CTNNA3: variants seen among roughly 807,000 people sequenced by gnomAD.
The protein encoded by CTNNA3 is catenin alpha 3.
In CTNNA3, 76 loss-of-function variants were observed where a neutral mutation model predicts 95.7. The observed-to-expected ratio is 0.79, with a 90% confidence interval of 0.66 to 0.96. CTNNA3 has a LOEUF of 0.96. Ranked by LOEUF, CTNNA3 falls within the 40% of genes least tolerant of loss-of-function variation. The pLI is 0.00. For synonymous variants in CTNNA3, 431 were observed against 374.4 expected (o/e 1.15, Z -1.74); for missense variants, 1,191 against 1,089.8 (o/e 1.09, Z -1.31).
At chr10:67,110,458 G>C (rs1005229421) in intron 7 of CTNNA3, among the ~76,000 whole-genome samples, 2 of 152,128 alleles carry the variant, frequency 1.3e-5, no homozygotes, top group African/African-American at 2.4e-5. Context: ...GGACTAGAAG[G>C]GGAGCAGGAT....
Position 66,040,177 on chromosome 10 carries a change from ACTGT to A in CTNNA3, c.2159+29127_2159+29130del, listed in dbSNP as rs143597190. 1.7e-3 allele frequency among the ~76,000 whole-genome samples: 261 copies of A among 152,338 alleles called. 2 individuals are homozygous for A. The highest frequency in any genetic ancestry group is 5.9e-3 in the African/African-American group (246 of 41,580). On this transcript the variant is annotated intron_variant, in intron 15 of 17. Coordinates refer to ENST00000433211, the MANE Select transcript of CTNNA3 (RefSeq NM_013266.4). ...ATGAAAATCAAAACCCCAACGAGAT[ACTGT>A]CTTGCACCAGTCAGAATAGCTATTA...
intron 7 of CTNNA3, among the ~76,000 whole-genome samples, chr10:66,873,018 G>A (rs1207045658): frequency 1.3e-5 from 2 of 152,094 alleles, no homozygotes; most frequent in Non-Finnish European, 2.9e-5. Flanking sequence ...GCTGCAAAGG[G>A]CATAATTTCA....
At chr10:66,420,835 A>AAATTAATTAATTAATTAATT (rs1554959967) in intron 11 of CTNNA3, among the ~76,000 whole-genome samples, 34 of 93,006 alleles carry the variant, frequency 3.7e-4, no homozygotes, top group African/African-American at 1.2e-3. Context: ...ATAAATAAAT[A>AAATTAATTAATTAATTAATT]AATAAAAAAC....
chr10:66,770,221 T>C (rs1840033182), intron 8 of CTNNA3, among the ~76,000 whole-genome samples: 1 of 152,202 alleles, frequency 6.6e-6, no homozygotes, highest in African/African-American at 2.4e-5. Context: ...TCATTATATG[T>C]TCTGACATAT....
rs563760044 is a variant in CTNNA3 at position 65,929,798 on chromosome 10, A to T, written c.2401-9181T>A. On this transcript the variant is annotated intron_variant, in intron 17 of 17. Transcript: ENST00000433211. ...TGGTCAGGCTGGTCTCAAATTCCTG[A>T]CCTTGTGATCTGCCTGCCTTGGCCT... Among the ~76,000 whole-genome samples the T allele has an allele frequency of 1.2e-4, 19 of 152,038 alleles. No homozygotes were observed. In the South Asian group the frequency reaches 4.0e-3, roughly 32 times the overall value.
intron 13 of CTNNA3, among the ~76,000 whole-genome samples, chr10:66,108,517 C>A (rs2081994808): frequency 6.6e-6 from 1 of 152,090 alleles, no homozygotes; most frequent in Admixed American, 6.6e-5. Flanking sequence ...ACCCTTTTCC[C>A]CATTTCATTT....
intron 7 of CTNNA3, among the ~76,000 whole-genome samples, chr10:67,161,502 G>A (rs1223476282): frequency 3.3e-5 from 5 of 151,454 alleles, no homozygotes; most frequent in East Asian, 1.9e-4. Flanking sequence ...GCCATACCTC[G>A]ATAAACTACT....
At chr10:66,858,512 G>A (rs1843773515) in intron 7 of CTNNA3, among the ~76,000 whole-genome samples, 1 of 151,934 alleles carries the variant, frequency 6.6e-6, no homozygotes, top group African/African-American at 2.4e-5. Context: ...GTACAATTCC[G>A]CTGTGAATTC....
At chr10:67,178,637 T>A (rs1862357792) in intron 7 of CTNNA3, among the ~76,000 whole-genome samples, 2 of 152,082 alleles carry the variant, frequency 1.3e-5, no homozygotes, top group South Asian at 4.1e-4. Context: ...TTTGTACCTA[T>A]AAAGAATAAA....
intron 8 of CTNNA3, among the ~76,000 whole-genome samples, chr10:66,771,568 C>G (rs1303808901): frequency 6.6e-6 from 1 of 152,110 alleles, no homozygotes; most frequent in Non-Finnish European, 1.5e-5. Flanking sequence ...TAATCCCTAG[C>G]CCCTGGTGTG....
chr10:66,808,459 T>G (rs1369081470), intron 7 of CTNNA3, among the ~76,000 whole-genome samples: 1 of 152,176 alleles, frequency 6.6e-6, no homozygotes, highest in Non-Finnish European at 1.5e-5. Context: ...ACTGCTGGTG[T>G]AGATACAAAA....
At chr10:67,265,186 T>G (rs1778465573) in intron 5 of CTNNA3, among the ~76,000 whole-genome samples, 1 of 152,180 alleles carries the variant, frequency 6.6e-6, no homozygotes, top group African/African-American at 2.4e-5. Context: ...TTCCATCTTT[T>G]AAAATAATCA....
At chr10:66,166,196 C>G in intron 13 of CTNNA3, among the ~76,000 whole-genome samples, 1 of 151,910 alleles carries the variant, frequency 6.6e-6, no homozygotes, top group East Asian at 1.9e-4. Flanking sequence ...TAGCTCACAC[C>G]TATAATCCCA....
In CTNNA3 at chr10:66,082,178, GA is replaced by G. The variant is rs1382726860; in HGVS notation, c.1978-12690del. ...CTGCACCCAAGATATTAACTACAAA[GA>G]AAAAAAAAAAACTTAGTTTTTCAGT... On this transcript the variant is annotated intron_variant, in intron 14 of 17. Transcript: ENST00000433211. Among the ~76,000 whole-genome samples the G allele has an allele frequency of 3.1e-3, 428 of 139,846 alleles. 4 individuals are homozygous for G. The highest frequency in any genetic ancestry group is 7.6e-3 in the African/African-American group (293 of 38,388). 91.7% of individuals were successfully genotyped at this position (139,846 alleles called of 152,430 possible).
chr10:66,623,557 C>A (rs1013339713), intron 9 of CTNNA3, among the ~76,000 whole-genome samples: 2 of 151,896 alleles, frequency 1.3e-5, no homozygotes, highest in East Asian at 3.9e-4. Context: ...TTTATACAAC[C>A]CTCTAATGAA....
intron 11 of CTNNA3, among the ~76,000 whole-genome samples, chr10:66,383,415 G>T (rs1004963224): frequency 1.3e-5 from 2 of 152,134 alleles, no homozygotes; most frequent in Non-Finnish European, 2.9e-5. Flanking sequence ...AAGAAGAAAT[G>T]AACAAAGCCT....
At chr10:66,221,848 G>A (rs1404567924) in intron 13 of CTNNA3, among the ~76,000 whole-genome samples, 3 of 152,176 alleles carry the variant, frequency 2.0e-5, no homozygotes, top group African/African-American at 7.2e-5. Flanking sequence ...CAATTTGTCA[G>A]TCAAGTATAA....
At chr10:67,652,984 T>C (rs1484603916) in intron 1 of CTNNA3, among the ~76,000 whole-genome samples, 1 of 152,254 alleles carries the variant, frequency 6.6e-6, no homozygotes, top group African/African-American at 2.4e-5. Flanking sequence ...AAGCTATTCT[T>C]GTATTGCTAT....
At chr10:67,442,167 T>C (rs1220017190) in intron 5 of CTNNA3, among the ~76,000 whole-genome samples, 1 of 151,978 alleles carries the variant, frequency 6.6e-6, no homozygotes, top group Admixed American at 6.6e-5. Flanking sequence ...AAATAACGGG[T>C]TATAAGATAG....
Sources: gnomAD v4.1 joint callset for allele counts (sites outside exome capture counted in the v4.1 genomes callset) on GRCh38, gnomAD v4.1.1 for gene constraint, MANE v1.5 for transcripts, NCBI Gene and HGNC (gene_info 2026-07-23, HGNC 2026-07-21) for gene names.